IGDCC3: variants seen among roughly 807,000 people sequenced by gnomAD.
IGDCC3 encodes putative neuronal cell adhesion molecule.
In IGDCC3, 47 loss-of-function variants were observed where a neutral mutation model predicts 72.0. The ratio of observed to expected loss-of-function variants is 0.65; its 90% CI spans 0.52 to 0.83. IGDCC3 has a LOEUF of 0.83. Among genes scored for constraint, IGDCC3 ranks in the 40% least tolerant of loss-of-function variants. The probability of loss-of-function intolerance (pLI) is 0.00; values close to 1 mark genes in which losing one functional copy is unlikely to be tolerated. For missense variants in IGDCC3, 1,038 were observed against 1,091.3 expected (o/e 0.95, Z 0.69); for synonymous variants, 477 against 472.8 (o/e 1.01, Z -0.11).
chr15:65,330,482 C>T (rs1454099541), intron 10 of IGDCC3, 68 bp downstream of exon 10: 10 of 1,570,104 alleles, frequency 6.4e-6, no homozygotes, highest in African/African-American at 1.3e-5. Context: ...GACCCCTGTA[C>T]GCCACCTCCT....
intron 2 of IGDCC3, among the ~76,000 whole-genome samples, chr15:65,369,247 G>T (rs1460359243): frequency 1.3e-5 from 2 of 152,086 alleles, no homozygotes; most frequent in East Asian, 3.9e-4. Flanking sequence ...TCTTGAAGAT[G>T]GATGGAAGGA....
At chr15:65,363,245 A>G (rs1159125768) in intron 2 of IGDCC3, among the ~76,000 whole-genome samples, 6 of 152,184 alleles carry the variant, frequency 3.9e-5, no homozygotes, top group African/African-American at 1.4e-4. Flanking sequence ...AGGGAAACAT[A>G]AAAGGATGCT....
At chr15:65,355,611 C>T (rs1449062332) in intron 2 of IGDCC3, 6 of 276,836 alleles carry the variant, frequency 2.2e-5, no homozygotes. Flanking sequence ...TTGAAGTGGC[C>T]GCAGCTGCGC....
Position 65,375,408 on chromosome 15 carries a change from T to A in IGDCC3, c.104-6A>T, listed in dbSNP as rs200021760. 25 of 1,591,670 alleles carry A rather than the reference T, an allele frequency of 1.6e-5. No individual in the cohort carries two copies. The highest frequency in any genetic ancestry group is 9.4e-5 in the African/African-American group (7 of 74,672). On this transcript the variant is annotated splice_region_variant and splice_polypyrimidine_tract_variant and intron_variant, in intron 1 of 13. Coordinates refer to ENST00000327987, the MANE Select transcript of IGDCC3 (RefSeq NM_004884.4). ...TTCAGCAGAGTGGCCAAGACCTGCA[T>A]TGGGGAAGGGGAGATGGAAGGAAAT...
intron 2 of IGDCC3, among the ~76,000 whole-genome samples, chr15:65,362,635 T>C (rs1460178427): frequency 6.6e-6 from 1 of 152,116 alleles, no homozygotes. Flanking sequence ...CCCTTCAGAA[T>C]GACTGATGAC....
rs775081943 is a variant in IGDCC3, at chr15:65,329,150, T to G, written c.2206-2A>C. 6.2e-7 allele frequency: 1 copy of G among 1,602,802 alleles called. No individual in the cohort carries two copies. The highest frequency in any genetic ancestry group is 8.5e-7 in the Non-Finnish European group (1 of 1,175,676). Reference sequence around the variant, plus strand: ...CGGAGCGGGGGCTGCAGGATCCTGCTGGGGAAAGAGCCCGTCACACAGGCG... The same window carrying G: ...CGGAGCGGGGGCTGCAGGATCCTGCGGGGGAAAGAGCCCGTCACACAGGCG... On this transcript the variant is annotated splice_acceptor_variant, in intron 13 of 13. Transcript: ENST00000327987. LOFTEE classifies it high-confidence loss of function. This position sits in a 1 kb window ranked among gnomAD's most constrained non-coding sequence, Gnocchi z 4.1.
At chr15:65,367,346 CAA>C (rs10609381) in intron 2 of IGDCC3, among the ~76,000 whole-genome samples, 8,245 of 74,304 alleles carry the variant, frequency 0.11, 528 homozygotes, top group African/African-American at 0.3. Context: ...GACTTTGTCT[CAA>C]AAAAAAAAAA....
intron 2 of IGDCC3, among the ~76,000 whole-genome samples, chr15:65,362,272 C>G (rs979356724): frequency 6.6e-6 from 1 of 152,132 alleles, no homozygotes; most frequent in African/African-American, 2.4e-5. Context: ...AAACTAGAGG[C>G]CCACCCAGTA....
chr15:65,351,366 C>T (rs993932889), intron 2 of IGDCC3, among the ~76,000 whole-genome samples: 1 of 152,116 alleles, frequency 6.6e-6, no homozygotes, highest in South Asian at 2.1e-4. Flanking sequence ...AACTCCATCT[C>T]TACTAAAAAT....
rs779259849 is a variant in IGDCC3, at chr15:65,377,687, C to T, written c.102G>A (p.Glu34=). Reference sequence around the variant, plus strand: ...CCGGTCCGGGGCGCTTTCACTCACCCTCGCTCGGCGCGGGCAGCAGCAGCA... The same window carrying T: ...CCGGTCCGGGGCGCTTTCACTCACCTTCGCTCGGCGCGGGCAGCAGCAGCA... The part of the protein sequence containing the change: ...LLLLLLPAPS[E]GLGHSAELAF... Residue 34 remains glutamate, a splice_region_variant and synonymous_variant, in exon 1 of 14, where the codon GAG becomes GAA. Coordinates refer to ENST00000327987, the MANE Select transcript of IGDCC3 (RefSeq NM_004884.4). This position sits in a 1 kb window ranked among gnomAD's most constrained non-coding sequence, Gnocchi z 4.9. 5 of 1,435,390 alleles carry T rather than the reference C, an allele frequency of 3.5e-6. No individual in the cohort carries two copies. The highest frequency in any genetic ancestry group is 4.5e-6 in the Non-Finnish European group (5 of 1,099,132). 88.9% of individuals were successfully genotyped at this position (1,435,390 alleles called of 1,614,324 possible). A position where few individuals can be genotyped will look rare whatever the true frequency, so the allele number is the denominator to read the frequency against.
chr15:65,366,219 A>G (rs1267949903), intron 2 of IGDCC3, among the ~76,000 whole-genome samples: 1 of 151,448 alleles, frequency 6.6e-6, no homozygotes, highest in Non-Finnish European at 1.5e-5. Context: ...AAAAAAAAAA[A>G]AAAAAAAAAA....
intron 2 of IGDCC3, among the ~76,000 whole-genome samples, chr15:65,361,451 A>C (rs1363680090): frequency 7.0e-6 from 1 of 143,880 alleles, no homozygotes; most frequent in African/African-American, 2.5e-5. Flanking sequence ...GACCCTGTCG[A>C]AAAAAAAAAA....
intron 2 of IGDCC3, among the ~76,000 whole-genome samples, chr15:65,368,166 A>T (rs780159765): frequency 0.25 from 8,585 of 34,826 alleles, 316 homozygotes; most frequent in Non-Finnish European, 0.46. Flanking sequence ...TCACTCACAC[A>T]CACACACACA....
At chr15:65,357,003 C>T (rs1203836423) in intron 2 of IGDCC3, among the ~76,000 whole-genome samples, 1 of 151,960 alleles carries the variant, frequency 6.6e-6, no homozygotes, top group Admixed American at 6.6e-5. Context: ...GCAGGCACCA[C>T]TATGCCCAGC....
In IGDCC3 at chr15:65,377,245, G is replaced by C. The variant is rs1044072415; in HGVS notation, c.103+441C>G. ...ATCTCCGCCCAGTGCAGCCGTCAGA[G>C]TCCCGGTCTCCGCTCCCCAGGCTGC... is the stretch of plus-strand genomic sequence containing the variant. On this transcript the variant is annotated intron_variant, in intron 1 of 13. Coordinates refer to ENST00000327987, the MANE Select transcript of IGDCC3 (RefSeq NM_004884.4). This position sits in a 1 kb window ranked among gnomAD's most constrained non-coding sequence, Gnocchi z 4.9. Among the ~76,000 whole-genome samples the C allele has an allele frequency of 6.6e-6, 1 of 152,154 alleles. No homozygotes were observed. Among genetic ancestry groups the C allele is most frequent in the Non-Finnish European group, 1.5e-5 (1 of 68,024 alleles).
chr15:65,338,096 C>T (rs2091046508), intron 2 of IGDCC3, among the ~76,000 whole-genome samples: 1 of 152,170 alleles, frequency 6.6e-6, no homozygotes, highest in Non-Finnish European at 1.5e-5. Flanking sequence ...ACTAAGCAGC[C>T]ACAGCACAGT....
chr15:65,355,824 C>A (rs1379853163), intron 2 of IGDCC3: 3 of 442,544 alleles, frequency 6.8e-6, no homozygotes, highest in Admixed American at 2.4e-5. Context: ...GGTTTGATGT[C>A]GCTGGGGCGA....
intron 1 of IGDCC3, 72 bp from the exon 2 acceptor site, chr15:65,375,474 C>T (rs2091353244): frequency 7.7e-7 from 1 of 1,293,980 alleles, no homozygotes; most frequent in Non-Finnish European, 1.1e-6. Context: ...AAGAACTCCA[C>T]CCACATGGTT....
intron 2 of IGDCC3, chr15:65,355,685 A>G (rs12899416): frequency 3.0e-6 from 1 of 333,928 alleles, no homozygotes; most frequent in Non-Finnish European, 6.0e-6. Flanking sequence ...CCGCATAGCA[A>G]TAGTGTCCGC....
Sources: allele counts gnomAD v4.1 joint callset (sites outside exome capture counted in the v4.1 genomes callset), GRCh38; gene constraint gnomAD v4.1.1; non-coding constraint Gnocchi (gnomAD v3.1); transcripts MANE v1.5; gene names NCBI Gene and HGNC (gene_info 2026-07-23, HGNC 2026-07-21).